The following LRBA variants were observed in gnomAD, a reference collection of about 807,000 sequenced individuals.
LRBA encodes LPS responsive beige-like anchor protein.
Under a neutral mutation model 330.0 loss-of-function variants are expected in LRBA, and 176 were observed. The ratio of observed to expected loss-of-function variants is 0.53; its 90% CI spans 0.47 to 0.60. The LOEUF (loss-of-function observed/expected upper bound fraction) is 0.60, where lower values mean the gene tolerates loss of function less well. Ranked by LOEUF, LRBA falls within the 20% of genes least tolerant of loss-of-function variation. LRBA has a pLI of 0.00. For synonymous variants in LRBA, 1,230 were observed against 1,193.0 expected (o/e 1.03, Z -0.64); for missense variants, 3,259 against 3,444.8 (o/e 0.95, Z 1.35).
intron 37 of LRBA, among the ~76,000 whole-genome samples, chr4:150,618,706 T>C (rs1427947833): frequency 6.6e-6 from 1 of 152,086 alleles, no homozygotes; most frequent in Non-Finnish European, 1.5e-5. Context: ...TTAGTTTTAC[T>C]GCAAATATAT....
chr4:150,672,995 T>C (rs1056160514), intron 37 of LRBA, among the ~76,000 whole-genome samples: 1 of 152,172 alleles, frequency 6.6e-6, no homozygotes, highest in African/African-American at 2.4e-5. Flanking sequence ...ACTGATTTAG[T>C]CAGTCATTCT....
At chr4:150,368,516 T>C (rs1044548219) in intron 47 of LRBA, among the ~76,000 whole-genome samples, 1 of 152,194 alleles carries the variant, frequency 6.6e-6, no homozygotes, top group Non-Finnish European at 1.5e-5. Context: ...TCAGGCTATG[T>C]ATATACAAAA....
intron 35 of LRBA, among the ~76,000 whole-genome samples, chr4:150,741,231 C>T (rs1161644930): frequency 1.3e-5 from 2 of 152,040 alleles, no homozygotes; most frequent in Non-Finnish European, 2.9e-5. Context: ...AAAAGCCAAA[C>T]TTCAGAGAGA....
intron 44 of LRBA, among the ~76,000 whole-genome samples, chr4:150,464,436 A>T (rs911050535): frequency 2.0e-5 from 3 of 152,108 alleles, no homozygotes; most frequent in African/African-American, 7.2e-5. Context: ...TGCATGGCTC[A>T]TTACACAAGT....
At chr4:151,009,922 G>A (rs1221493751) in intron 2 of LRBA, among the ~76,000 whole-genome samples, 1 of 149,956 alleles carries the variant, frequency 6.7e-6, no homozygotes, top group Non-Finnish European at 1.5e-5. Context: ...GGACCTTGCA[G>A]TGAGCCGAGA....
At position 150,318,005 on chromosome 4, in the gene LRBA, G is replaced by C. The variant is rs1437996429; in HGVS notation, c.7631-2382C>G. Reference sequence around the variant, plus strand: ...AAATGATTAAAACACTACTTGAAGAGGCATGAAAGTTTATCTACTCCAGCC... The same window carrying C: ...AAATGATTAAAACACTACTTGAAGACGCATGAAAGTTTATCTACTCCAGCC... On this transcript the variant is annotated intron_variant, in intron 50 of 56. Coordinates refer to ENST00000651943, the MANE Select transcript of LRBA (RefSeq NM_001364905.1). 2.0e-5 allele frequency among the ~76,000 whole-genome samples: 3 copies of C among 152,274 alleles called. No individual in the cohort carries two copies. The East Asian group carries it at 5.8e-4, about 29-fold the overall frequency.
chr4:151,007,918 T>C (rs991769124), intron 2 of LRBA, among the ~76,000 whole-genome samples: 2 of 150,768 alleles, frequency 1.3e-5, no homozygotes, highest in African/African-American at 2.4e-5. Flanking sequence ...CATACAAAAA[T>C]TGACTTAAAA....
rs569011879 is a variant in LRBA at position 150,544,599 on chromosome 4, C to G, written c.6330+43449G>C. Among the ~76,000 whole-genome samples the G allele has an allele frequency of 5.9e-5, 9 of 152,276 alleles. No homozygotes were observed. The East Asian group carries it at 1.7e-3, about 29-fold the overall frequency. ...TACATTTCCATGCTACTCCACACTT[C>G]CTTGCCACAGCAATTTCTACAGTAT... On this transcript the variant is annotated intron_variant, in intron 40 of 56. Coordinates refer to ENST00000651943, the MANE Select transcript of LRBA (RefSeq NM_001364905.1).
Position 150,563,948 on chromosome 4 carries a change from G to A in LRBA, c.6330+24100C>T, listed in dbSNP as rs1164469563. 9.2e-5 allele frequency among the ~76,000 whole-genome samples: 14 copies of A among 152,106 alleles called. 1 individual carries two copies. Among genetic ancestry groups the A allele is most frequent in the Admixed American group, 9.2e-4 (14 of 15,262 alleles). ...TAGGAAGAATCAATATCGTGAAAAT[G>A]GTCATACTGCCCAAGGTAGTTTATA... On this transcript the variant is annotated intron_variant, in intron 40 of 56. Coordinates refer to ENST00000651943, the MANE Select transcript of LRBA (RefSeq NM_001364905.1).
chr4:150,941,465 T>C (rs1195043563), intron 2 of LRBA, among the ~76,000 whole-genome samples: 1 of 152,206 alleles, frequency 6.6e-6, no homozygotes. Flanking sequence ...AAAATATTTT[T>C]TATTGTGAAA....
chr4:150,628,208 C>G (rs1209762422), intron 37 of LRBA, among the ~76,000 whole-genome samples: 1 of 152,204 alleles, frequency 6.6e-6, no homozygotes, highest in Non-Finnish European at 1.5e-5. Context: ...TTAATAGAAT[C>G]TTTCTGCCAT....
At chr4:150,908,889 T>C (rs1387857073) in intron 9 of LRBA, 32 bp from the exon 10 acceptor site, 6 of 1,439,226 alleles carry the variant, frequency 4.2e-6, no homozygotes, top group African/African-American at 1.4e-5. Flanking sequence ...TTAAATAGTA[T>C]GCCACAAAGA....
intron 52 of LRBA, among the ~76,000 whole-genome samples, chr4:150,308,902 T>A (rs1452043625): frequency 6.6e-6 from 1 of 152,160 alleles, no homozygotes; most frequent in Non-Finnish European, 1.5e-5. Context: ...AGTAAGCCAA[T>A]TATTAGTAAA....
intron 20 of LRBA, among the ~76,000 whole-genome samples, chr4:150,868,918 A>T (rs1753075972): frequency 6.6e-6 from 1 of 152,224 alleles, no homozygotes; most frequent in South Asian, 2.1e-4. Context: ...AGCCTAAGCG[A>T]CACAGCAAGA....
chr4:150,620,637 G>A (rs972271645), intron 37 of LRBA, among the ~76,000 whole-genome samples: 2 of 152,156 alleles, frequency 1.3e-5, no homozygotes, highest in South Asian at 2.1e-4. Flanking sequence ...AAAAAAGAAT[G>A]AAATAATGTC....
chr4:150,890,860 T>C (rs1467208609), intron 17 of LRBA, among the ~76,000 whole-genome samples: 1 of 152,152 alleles, frequency 6.6e-6, no homozygotes, highest in Non-Finnish European at 1.5e-5. Context: ...TTCAATAGAA[T>C]AATTCTTCTT....
chr4:150,507,132 C>T (rs1237105321), intron 40 of LRBA, among the ~76,000 whole-genome samples: 7 of 151,308 alleles, frequency 4.6e-5, no homozygotes, highest in East Asian at 1.9e-4. Context: ...GAATCAATAT[C>T]ATGAAAATGG....
intron 36 of LRBA, among the ~76,000 whole-genome samples, chr4:150,695,993 C>T (rs535845724): frequency 3.3e-5 from 5 of 152,162 alleles, no homozygotes; most frequent in East Asian, 3.9e-4. Context: ...TTAGGGAGGT[C>T]GAGGCCAGCA....
In LRBA at chr4:150,761,846, T is replaced by A; in HGVS notation, c.5582A>T (p.Glu1861Val). The change falls in exon 35 of 57, where the codon GAG becomes GTG. Residue 1861 changes from glutamate (E) to valine (V), a missense_variant and splice_region_variant. Coordinates refer to ENST00000651943, the MANE Select transcript of LRBA (RefSeq NM_001364905.1). ...VELVMLLCSQ[E>V]WQNSIQKNAG... ...ATTCTTCTGAATAGAATTTTGCCAC[T>A]CCTATAAAAAAAAAAGCAAAAATAG... 1 of 1,510,996 alleles carries A rather than the reference T, an allele frequency of 6.6e-7. No homozygotes were observed. Among genetic ancestry groups the A allele is most frequent in the Non-Finnish European group, 8.9e-7 (1 of 1,129,332 alleles). 93.6% of individuals were successfully genotyped at this position (1,510,996 alleles called of 1,614,324 possible).
Sources: gnomAD v4.1 joint callset for allele counts (sites outside exome capture counted in the v4.1 genomes callset) on GRCh38, gnomAD v4.1.1 for gene constraint, MANE v1.5 for transcripts, NCBI Gene and HGNC (gene_info 2026-07-23, HGNC 2026-07-21) for gene names.